Variants in TBPL1 observed in about 807,000 individuals in gnomAD.
TBPL1 encodes the protein TATA-box binding protein like 1.
Under a neutral mutation model 22.1 loss-of-function variants are expected in TBPL1, and 4 were observed. The ratio of observed to expected loss-of-function variants is 0.18; its 90% confidence interval spans 0.09 to 0.41. The LOEUF is 0.41. TBPL1 is among the 10% of genes least tolerant of loss of function. TBPL1 has a pLI of 1.00. For synonymous variants in TBPL1, 64 were observed against 71.0 expected, an observed-to-expected ratio of 0.90 and a Z score of 0.50; for missense variants, 115 against 222.3, an observed-to-expected ratio of 0.52 and a Z score of 3.07.
chr6:133,960,418 C>CTT (rs765884620), intron 1 of TBPL1, among the ~76,000 whole-genome samples: 8,371 of 131,442 alleles, frequency 0.064, 680 homozygotes, highest in African/African-American at 0.19. Flanking sequence ...GCTGACCAGC[C>CTT]TTTTTTTTTT....
intron 1 of TBPL1, among the ~76,000 whole-genome samples, chr6:133,955,227 C>A (rs553992095): frequency 6.7e-6 from 1 of 148,648 alleles, no homozygotes; most frequent in South Asian, 2.2e-4. Flanking sequence ...CTCACTTGAC[C>A]CAGATCTAGT....
At chr6:133,983,721 GT>G (rs1776456906) in intron 4 of TBPL1, among the ~76,000 whole-genome samples, 1 of 152,180 alleles carries the variant, frequency 6.6e-6, no homozygotes, top group South Asian at 2.1e-4. Flanking sequence ...TAGGAGGAAT[GT>G]TTGAAAAGAT....
rs1776588608 is a variant in TBPL1 at position 133,989,448 on chromosome 6, G to A, written c.*2408G>A. On this transcript the variant is annotated 3_prime_UTR_variant, in exon 7 of 7. Coordinates refer to ENST00000237264, the MANE Select transcript of TBPL1 (RefSeq NM_004865.4). The stretch of plus-strand genomic sequence containing the variant: ...AATTTCCTGCCCATTTATAATGAAG[G>A]GCTAAACAAAAAATACCTGAAGTAT... 6.6e-6 allele frequency: 1 copy of A among 151,834 alleles called. No homozygotes were observed. Among genetic ancestry groups the A allele is most frequent in the Admixed American group, 6.6e-5 (1 of 15,244 alleles). The allele number at this position is 151,834 out of a possible 1,614,324, so 9.4% of individuals were successfully genotyped here.
intron 1 of TBPL1, among the ~76,000 whole-genome samples, chr6:133,967,801 A>G (rs180715645): frequency 2.2e-4 from 33 of 152,316 alleles, no homozygotes; most frequent in Middle Eastern, 3.4e-3. Context: ...ATTCAAGGAA[A>G]ATCAATTAAT....
At chr6:133,959,614 T>C (rs762712976) in intron 1 of TBPL1, among the ~76,000 whole-genome samples, 6 of 152,166 alleles carry the variant, frequency 3.9e-5, no homozygotes, top group Non-Finnish European at 8.8e-5. Flanking sequence ...CCCGAGTAAC[T>C]GGGATTACAG....
At chr6:133,967,566 A>G (rs1016205778) in intron 1 of TBPL1, among the ~76,000 whole-genome samples, 4 of 152,222 alleles carry the variant, frequency 2.6e-5, no homozygotes, top group African/African-American at 7.2e-5. Context: ...AGAATCTACT[A>G]CACACCTGGG....
At chr6:133,969,919 C>T (rs1776188616) in intron 1 of TBPL1, among the ~76,000 whole-genome samples, 1 of 152,160 alleles carries the variant, frequency 6.6e-6, no homozygotes, top group African/African-American at 2.4e-5. Context: ...TAGAATGTAT[C>T]TTCATCTAAT....
At position 133,990,079 on chromosome 6, in the gene TBPL1, G is replaced by A. The variant is rs1445553998; in HGVS notation, c.*3039G>A. 6.6e-6 allele frequency: 1 copy of A among 152,634 alleles called. No homozygotes were observed. The highest frequency in any genetic ancestry group is 2.4e-5 in the African/African-American group (1 of 41,454). The allele number at this position is 152,634 out of a possible 1,614,324, so 9.5% of individuals were successfully genotyped here. On this transcript the variant is annotated 3_prime_UTR_variant, in exon 7 of 7. Coordinates refer to ENST00000237264, the MANE Select transcript of TBPL1 (RefSeq NM_004865.4). The stretch of plus-strand genomic sequence containing the variant: ...TAAGAGAACAGTTCATCGTTGTGTG[G>A]GTGAAACCCACGTTGCTGGTACAGG...
chr6:133,963,537 C>T lies in TBPL1; in HGVS notation c.-45+10112C>T, dbSNP rs1218067163. ...CCTCCCAGGCTCAATCCTCTTGCCT[C>T]AGCCTCCTGAGTAGCTGGGCCTATA... On this transcript the variant is annotated intron_variant, in intron 1 of 6. Transcript: ENST00000237264. Among the ~76,000 whole-genome samples the T allele has an allele frequency of 3.3e-5, 5 of 152,176 alleles. No homozygotes were observed. The East Asian group carries it at 9.7e-4, about 29-fold the overall frequency.
intron 1 of TBPL1, among the ~76,000 whole-genome samples, chr6:133,973,958 T>C (rs980982525): frequency 1.3e-5 from 2 of 148,194 alleles, no homozygotes; most frequent in African/African-American, 5.0e-5. Context: ...AAACCTAACA[T>C]ATATATATAT....
intron 1 of TBPL1, among the ~76,000 whole-genome samples, chr6:133,958,382 T>C (rs571998579): frequency 9.8e-5 from 15 of 152,354 alleles, no homozygotes; most frequent in African/African-American, 3.6e-4. Context: ...ACTATGAATG[T>C]TCTAATAGTA....
At chr6:133,965,075 G>T (rs1407333462) in intron 1 of TBPL1, among the ~76,000 whole-genome samples, 1 of 152,142 alleles carries the variant, frequency 6.6e-6, no homozygotes, top group African/African-American at 2.4e-5. Flanking sequence ...CTTATGAGAA[G>T]ATTTATTCAG....
chr6:133,973,534 G>T (rs1776260519), intron 1 of TBPL1, among the ~76,000 whole-genome samples: 1 of 152,134 alleles, frequency 6.6e-6, no homozygotes. Flanking sequence ...AATTTTAAAT[G>T]CAGTAGTCTT....
intron 1 of TBPL1, among the ~76,000 whole-genome samples, chr6:133,967,003 C>G (rs1776131705): frequency 6.6e-6 from 1 of 152,150 alleles, no homozygotes; most frequent in Non-Finnish European, 1.5e-5. Flanking sequence ...CATGAAAATT[C>G]TGAACGTGGC....
intron 1 of TBPL1, among the ~76,000 whole-genome samples, chr6:133,974,988 T>C (rs982909339): frequency 6.6e-6 from 1 of 152,172 alleles, no homozygotes; most frequent in Non-Finnish European, 1.5e-5. Context: ...TAAATGTTTA[T>C]ACAAGAAAAG....
chr6:133,955,885 A>G (rs552919530), intron 1 of TBPL1, among the ~76,000 whole-genome samples: 1 of 152,278 alleles, frequency 6.6e-6, no homozygotes, highest in Non-Finnish European at 1.5e-5. Context: ...TATTCTTAAC[A>G]TAGAAAATTG....
chr6:133,982,748 G>A (rs1776438756), intron 3 of TBPL1, 69 bp from the exon 4 acceptor site: 4 of 1,584,278 alleles, frequency 2.5e-6, no homozygotes, highest in South Asian at 1.1e-5. Flanking sequence ...TGTAAAGTTT[G>A]TTATGTTCCT....
intron 1 of TBPL1, among the ~76,000 whole-genome samples, chr6:133,963,018 C>G (rs561444473): frequency 6.6e-6 from 1 of 152,246 alleles, no homozygotes; most frequent in African/African-American, 2.4e-5. Flanking sequence ...GCTTTATGCT[C>G]TAGAGTAGGA....
intron 4 of TBPL1, 143 bp downstream of exon 4, chr6:133,983,023 A>G (rs562905495): frequency 1.5e-5 from 11 of 734,998 alleles, no homozygotes; most frequent in Non-Finnish European, 2.3e-5. Flanking sequence ...ACTGCCCTTC[A>G]GTGTGAAAAT....
Sources: gnomAD v4.1 joint callset for allele counts (sites outside exome capture counted in the v4.1 genomes callset) on GRCh38, gnomAD v4.1.1 for gene constraint, MANE v1.5 for transcripts, NCBI Gene and HGNC (gene_info 2026-07-23, HGNC 2026-07-21) for gene names.